Variants in TBC1D22B observed in about 807,000 individuals in gnomAD.
TBC1D22B encodes chromosome 6 open reading frame 197.
In TBC1D22B, 32 loss-of-function variants were observed where a neutral mutation model predicts 69.1. The observed-to-expected ratio is 0.46, with a 90% CI of 0.35 to 0.62. TBC1D22B has a LOEUF of 0.62. Ranked by LOEUF, TBC1D22B falls within the 20% of genes least tolerant of loss-of-function variation. TBC1D22B has a pLI of 0.00. For missense variants in TBC1D22B, 462 were observed against 630.9 expected, an observed-to-expected ratio of 0.73 and a Z score of 2.87; for synonymous variants, 206 against 229.8, an observed-to-expected ratio of 0.90 and a Z score of 0.94.
chr6:37,262,772 G>T (rs1231925723), intron 1 of TBC1D22B, among the ~76,000 whole-genome samples: 1 of 152,132 alleles, frequency 6.6e-6, no homozygotes, highest in Middle Eastern at 3.2e-3. Context: ...CAACACGTTT[G>T]GCATTTAAAT....
chr6:37,329,992 C>T (rs564952904), intron 12 of TBC1D22B, among the ~76,000 whole-genome samples: 1 of 152,308 alleles, frequency 6.6e-6, no homozygotes, highest in East Asian at 1.9e-4. Context: ...AAGACCTTTA[C>T]ACTGAGAACT....
intron 2 of TBC1D22B, among the ~76,000 whole-genome samples, chr6:37,274,021 A>G (rs1766586958): frequency 6.6e-6 from 1 of 152,252 alleles, no homozygotes. Context: ...GATTACTATT[A>G]GTGATACTAT....
At position 37,293,080 on chromosome 6, in the gene TBC1D22B, TA is replaced by T. The variant is rs1267319199; in HGVS notation, c.982+1724del. ...AACTTTTCATTATTATTATTATTATTATTATTTTTTTTTTTGAGACAGAGTC... is the reference window on the plus strand; with the variant it reads ...AACTTTTCATTATTATTATTATTATTTTATTTTTTTTTTTGAGACAGAGTC... On this transcript the variant is annotated intron_variant, in intron 8 of 12. Transcript: ENST00000373491. Among the ~76,000 whole-genome samples the T allele has an allele frequency of 7.8e-4, 113 of 144,906 alleles. 1 individual carries two copies. Among genetic ancestry groups the T allele is most frequent in the African/African-American group, 3.0e-3 (107 of 35,434 alleles).
In TBC1D22B at chr6:37,257,819, G is replaced by T. The variant is rs566831898; in HGVS notation, c.-99G>T. ...GAGCTGGGAGCGGGTGACCGGCGGC[G>T]GGGAAGCGGCCTGGGTTGGCCCTCA... is the stretch of plus-strand genomic sequence containing the variant. On this transcript the variant is annotated 5_prime_UTR_variant, in exon 1 of 13. Coordinates refer to ENST00000373491, the MANE Select transcript of TBC1D22B (RefSeq NM_017772.4). The T allele has an allele frequency of 5.1e-4, 698 of 1,369,474 alleles. No individual in the cohort carries two copies. Among genetic ancestry groups the T allele is most frequent in the Non-Finnish European group, 6.4e-4 (639 of 997,670 alleles). 84.8% of individuals were successfully genotyped at this position (1,369,474 alleles called of 1,614,324 possible). A position where few individuals can be genotyped will look rare whatever the true frequency, so the allele number is the denominator to read the frequency against.
intron 1 of TBC1D22B, among the ~76,000 whole-genome samples, chr6:37,265,711 C>T (rs557680817): frequency 2.0e-5 from 3 of 152,114 alleles, no homozygotes; most frequent in African/African-American, 7.2e-5. Flanking sequence ...TAATAGTTTG[C>T]TTACACATTA....
chr6:37,312,408 T>C (rs1767942149), intron 8 of TBC1D22B, among the ~76,000 whole-genome samples: 1 of 152,190 alleles, frequency 6.6e-6, no homozygotes, highest in Admixed American at 6.5e-5. Flanking sequence ...GCATACCTTC[T>C]CTTTTGAGTG....
intron 10 of TBC1D22B, 129 bp from the exon 11 acceptor site, chr6:37,316,574 G>T (rs970679099): frequency 9.0e-6 from 9 of 995,080 alleles, no homozygotes; most frequent in Non-Finnish European, 1.4e-5. Flanking sequence ...TCAGATGGCT[G>T]TCTGCCTCCT....
At chr6:37,285,981 A>G (rs1766995297) in intron 6 of TBC1D22B, among the ~76,000 whole-genome samples, 1 of 152,216 alleles carries the variant, frequency 6.6e-6, no homozygotes, top group African/African-American at 2.4e-5. Context: ...TCCCTATTTT[A>G]GGACATTTTT....
At chr6:37,325,950 T>A (rs1322305820) in intron 12 of TBC1D22B, among the ~76,000 whole-genome samples, 1 of 152,204 alleles carries the variant, frequency 6.6e-6, no homozygotes, top group Non-Finnish European at 1.5e-5. Context: ...GCAGAGTGGT[T>A]CCTTACGGCT....
chr6:37,310,918 C>A (rs1460868228), intron 8 of TBC1D22B, among the ~76,000 whole-genome samples: 1 of 152,176 alleles, frequency 6.6e-6, no homozygotes, highest in Non-Finnish European at 1.5e-5. Flanking sequence ...TTCATTCGTA[C>A]CACCTGGGGA....
At chr6:37,275,098 T>C (rs1255094396) in intron 2 of TBC1D22B, among the ~76,000 whole-genome samples, 1 of 152,154 alleles carries the variant, frequency 6.6e-6, no homozygotes, top group African/African-American at 2.4e-5. Flanking sequence ...AGCCACACTG[T>C]GGCATTCTTT....
At chr6:37,284,078 C>T (rs1315905010) in intron 5 of TBC1D22B, among the ~76,000 whole-genome samples, 1 of 152,164 alleles carries the variant, frequency 6.6e-6, no homozygotes, top group Non-Finnish European at 1.5e-5. Flanking sequence ...GGAGTGCTCA[C>T]CAGTGGCACA....
intron 2 of TBC1D22B, among the ~76,000 whole-genome samples, chr6:37,276,939 A>G (rs1277592627): frequency 6.6e-6 from 1 of 152,184 alleles, no homozygotes; most frequent in Non-Finnish European, 1.5e-5. Context: ...CTTCAAATGC[A>G]TAAAAAGCGT....
In TBC1D22B at chr6:37,331,376, G is replaced by A. The variant is rs183867720; in HGVS notation, c.*204G>A. The A allele has an allele frequency of 3.3e-5, 18 of 539,114 alleles. No homozygotes were observed. Among genetic ancestry groups the A allele is most frequent in the Admixed American group, 9.5e-5 (3 of 31,678 alleles). 33.4% of individuals were successfully genotyped at this position (539,114 alleles called of 1,614,324 possible). A position where few individuals can be genotyped will look rare whatever the true frequency, so the allele number is the denominator to read the frequency against. On this transcript the variant is annotated 3_prime_UTR_variant, in exon 13 of 13. Transcript: ENST00000373491. ...TGGACCACTGTCAGTATTCCATGCC[G>A]CGTGGATGGGCCCAGTTCTGGGAGA...
At chr6:37,276,165 A>T (rs1394521649) in intron 2 of TBC1D22B, among the ~76,000 whole-genome samples, 1 of 151,870 alleles carries the variant, frequency 6.6e-6, no homozygotes, top group Non-Finnish European at 1.5e-5. Flanking sequence ...AGGTTTCACT[A>T]TGTTGGTCAG....
chr6:37,257,986 C>T lies in TBC1D22B; in HGVS notation c.56+13C>T, dbSNP rs1386281654. ...AGCTGCCGGGGAGGTGAGCCCAGGA[C>T]GCTGAGAGGGATAGGGGATTGGACC... On this transcript the variant is annotated intron_variant, in intron 1 of 12. Coordinates refer to ENST00000373491, the MANE Select transcript of TBC1D22B (RefSeq NM_017772.4). The T allele has an allele frequency of 9.3e-6, 15 of 1,613,606 alleles. 1 individual carries two copies. The South Asian group carries it at 1.3e-4, about 14-fold the overall frequency.
chr6:37,281,745 A>C (rs1766836603), intron 3 of TBC1D22B, among the ~76,000 whole-genome samples: 1 of 152,222 alleles, frequency 6.6e-6, no homozygotes, highest in African/African-American at 2.4e-5. Flanking sequence ...TGGAATGGGA[A>C]GGAAAACACT....
chr6:37,260,864 A>G (rs568845747), intron 1 of TBC1D22B, among the ~76,000 whole-genome samples: 1 of 152,204 alleles, frequency 6.6e-6, no homozygotes, highest in Non-Finnish European at 1.5e-5. Context: ...GTATACATAC[A>G]CCACATTTTG....
intron 1 of TBC1D22B, among the ~76,000 whole-genome samples, chr6:37,265,061 A>G (rs551735404): frequency 4.1e-4 from 63 of 152,328 alleles, no homozygotes; most frequent in African/African-American, 1.5e-3. Context: ...TTAAGCTGCA[A>G]TAAGCTGATT....
Sources: gnomAD v4.1 joint callset for allele counts (sites outside exome capture counted in the v4.1 genomes callset) on GRCh38, gnomAD v4.1.1 for gene constraint, MANE v1.5 for transcripts, NCBI Gene and HGNC (gene_info 2026-07-23, HGNC 2026-07-21) for gene names.